Variants in NPAS3 observed in about 807,000 individuals in gnomAD.
NPAS3 encodes the protein neuronal PAS domain protein 3.
In NPAS3, 14 loss-of-function variants were observed where a neutral mutation model predicts 73.1. The observed-to-expected ratio is 0.19, with a 90% CI of 0.13 to 0.30. The LOEUF is 0.30. Among genes scored for constraint, NPAS3 ranks in the 10% least tolerant of loss-of-function variants. The probability of loss-of-function intolerance (pLI) is 1.00; values close to 1 mark genes in which losing one functional copy is unlikely to be tolerated. For synonymous variants in NPAS3, 620 were observed against 541.5 expected (o/e 1.14, Z -2.01); for missense variants, 1,096 against 1,250.0 (o/e 0.88, Z 1.86).
chr14:32,980,410 G>A (rs2139393062), intron 1 of NPAS3, among the ~76,000 whole-genome samples: 1 of 152,294 alleles, frequency 6.6e-6, no homozygotes, highest in South Asian at 2.1e-4. Flanking sequence ...AATGTAAACA[G>A]CTTAAACAGA....
At chr14:33,674,466 T>C (rs1047160316) in intron 5 of NPAS3, among the ~76,000 whole-genome samples, 7 of 152,258 alleles carry the variant, frequency 4.6e-5, no homozygotes, top group Non-Finnish European at 2.9e-5. Context: ...ATTAGTTCCA[T>C]TTAATTTCTT....
chr14:33,022,016 A>G (rs1012031507), intron 1 of NPAS3, among the ~76,000 whole-genome samples: 4 of 152,188 alleles, frequency 2.6e-5, no homozygotes, highest in African/African-American at 9.7e-5. Context: ...CGCAGGCTGG[A>G]CATTCCAACC....
intron 5 of NPAS3, among the ~76,000 whole-genome samples, chr14:33,591,441 G>A (rs1226033289): frequency 6.6e-6 from 1 of 152,138 alleles, no homozygotes; most frequent in African/African-American, 2.4e-5. Flanking sequence ...TTTGTCTTGG[G>A]AACTACAAGA....
intron 2 of NPAS3, among the ~76,000 whole-genome samples, chr14:33,161,648 C>T (rs1417404808): frequency 6.6e-6 from 1 of 152,118 alleles, no homozygotes; most frequent in Non-Finnish European, 1.5e-5. Flanking sequence ...ATGGCTTCCT[C>T]CATGGTTTAA....
chr14:33,542,986 G>A (rs1375774035), intron 4 of NPAS3, among the ~76,000 whole-genome samples: 1 of 152,186 alleles, frequency 6.6e-6, no homozygotes, highest in Non-Finnish European at 1.5e-5. Flanking sequence ...AGCATCAGGT[G>A]TTTTCTTTTC....
intron 2 of NPAS3, among the ~76,000 whole-genome samples, chr14:33,057,910 G>A (rs1464046111): frequency 6.6e-6 from 1 of 152,098 alleles, no homozygotes; most frequent in African/African-American, 2.4e-5. Flanking sequence ...ACATTTAATA[G>A]CACCTATAAA....
intron 3 of NPAS3, among the ~76,000 whole-genome samples, chr14:33,347,062 A>G (rs921327454): frequency 6.6e-6 from 1 of 152,166 alleles, no homozygotes; most frequent in African/African-American, 2.4e-5. Context: ...ATGCTCAAAA[A>G]TGCTCTTTTC....
chr14:33,655,566 G>A (rs1259283390), intron 5 of NPAS3, among the ~76,000 whole-genome samples: 1 of 152,082 alleles, frequency 6.6e-6, no homozygotes, highest in Non-Finnish European at 1.5e-5. Context: ...AGAGAACAGT[G>A]TTTACATTAC....
At chr14:33,213,669 A>G (rs1477128075) in intron 2 of NPAS3, 1 of 152,228 alleles carries the variant, frequency 6.6e-6, no homozygotes, top group Admixed American at 6.5e-5. Flanking sequence ...AGATGTATCA[A>G]GGGGCAAAGA....
chr14:33,747,820 A>G (rs1006520278), intron 7 of NPAS3, among the ~76,000 whole-genome samples: 2 of 152,166 alleles, frequency 1.3e-5, no homozygotes, highest in African/African-American at 4.8e-5. Flanking sequence ...TCTCTAAAGT[A>G]TATATTGTCC....
chr14:33,644,978 G>A (rs1424345665), intron 5 of NPAS3, among the ~76,000 whole-genome samples: 1 of 151,788 alleles, frequency 6.6e-6, no homozygotes, highest in Non-Finnish European at 1.5e-5. Context: ...CTACTTGGGA[G>A]GCTGAGGCAG....
intron 3 of NPAS3, among the ~76,000 whole-genome samples, chr14:33,339,384 T>C (rs1318043970): frequency 6.6e-6 from 1 of 152,146 alleles, no homozygotes; most frequent in Non-Finnish European, 1.5e-5. Context: ...CAGCATCAGC[T>C]TACAGTGTTT....
intron 5 of NPAS3, among the ~76,000 whole-genome samples, chr14:33,653,930 C>T (rs1056941215): frequency 2.6e-5 from 4 of 152,150 alleles, no homozygotes; most frequent in Non-Finnish European, 4.4e-5. Context: ...TGATTTTCCT[C>T]GTAACTCACT....
Position 33,001,372 on chromosome 14 carries a change from GAGGA to G in NPAS3, c.51-54531_51-54528del, listed in dbSNP as rs1480970495. Among the ~76,000 whole-genome samples the G allele has an allele frequency of 3.3e-5, 5 of 152,260 alleles. No homozygotes were observed. In the East Asian group the frequency reaches 9.7e-4, roughly 29 times the overall value. On this transcript the variant is annotated intron_variant, in intron 1 of 11. Coordinates refer to ENST00000356141, the Ensembl canonical transcript of NPAS3. The stretch of plus-strand genomic sequence containing the variant: ...AAAGGTAATGTAGGTGGGTGCCTCT[GAGGA>G]AAAAGGCATGGGCTTTGGGGGACAC...
chr14:33,411,931 C>A (rs561065384), intron 4 of NPAS3, among the ~76,000 whole-genome samples: 31 of 152,118 alleles, frequency 2.0e-4, no homozygotes, highest in Non-Finnish European at 3.7e-4. Context: ...TGGCAGGCCA[C>A]CAGAGTGGTT....
At chr14:32,999,179 G>C (rs2038702516) in intron 1 of NPAS3, among the ~76,000 whole-genome samples, 1 of 152,102 alleles carries the variant, frequency 6.6e-6, no homozygotes, top group Admixed American at 6.5e-5. Flanking sequence ...TTGATTTACA[G>C]TAGGAGTACT....
intron 7 of NPAS3, among the ~76,000 whole-genome samples, chr14:33,753,358 T>TTAAAAAAAAAA (rs1219013158): frequency 1.5e-5 from 2 of 129,460 alleles, no homozygotes; most frequent in African/African-American, 5.6e-5. Flanking sequence ...GTTAAATTGA[T>TTAAAAAAAAAA]AAAAAAAAAA....
chr14:33,362,223 AG>A (rs1370585910), intron 3 of NPAS3, among the ~76,000 whole-genome samples: 2 of 151,740 alleles, frequency 1.3e-5, no homozygotes, highest in Non-Finnish European at 2.9e-5. Context: ...ACAGATACTG[AG>A]GCGTTTTGTA....
intron 3 of NPAS3, among the ~76,000 whole-genome samples, chr14:33,249,200 T>G (rs1167705407): frequency 6.6e-6 from 1 of 152,148 alleles, no homozygotes; most frequent in Non-Finnish European, 1.5e-5. Flanking sequence ...GGATTTAAGA[T>G]TATGTAAACA....
Sources: allele counts gnomAD v4.1 joint callset (sites outside exome capture counted in the v4.1 genomes callset), GRCh38; gene constraint gnomAD v4.1.1; transcripts MANE v1.5; gene names NCBI Gene and HGNC (gene_info 2026-07-23, HGNC 2026-07-21).